PSEN1: variants seen among roughly 807,000 people sequenced by gnomAD.
The protein encoded by PSEN1 is presenilin 1.
Under a neutral mutation model 53.5 loss-of-function variants are expected in PSEN1, and 15 were observed. The ratio of observed to expected loss-of-function variants is 0.28; its 90% CI spans 0.19 to 0.43. PSEN1 has a LOEUF of 0.43. Ranked by LOEUF, PSEN1 falls within the 20% of genes least tolerant of loss-of-function variation. The probability of loss-of-function intolerance (pLI) is 1.00; values close to 1 mark genes in which losing one functional copy is unlikely to be tolerated. For missense variants in PSEN1, 387 were observed against 571.2 expected (o/e 0.68, Z 3.29); for synonymous variants, 208 against 209.8 (o/e 0.99, Z 0.08).
At chr14:73,162,255 G>T (rs1897569482) in intron 3 of PSEN1, among the ~76,000 whole-genome samples, 1 of 151,306 alleles carries the variant, frequency 6.6e-6, no homozygotes, top group South Asian at 2.1e-4. Context: ...AAGAGAAATA[G>T]ATATTAAATT....
At chr14:73,141,830 G>A (rs1173186391) in intron 1 of PSEN1, among the ~76,000 whole-genome samples, 2 of 151,914 alleles carry the variant, frequency 1.3e-5, no homozygotes, top group African/African-American at 2.4e-5. Flanking sequence ...CACTTTGGGA[G>A]GCAGAGGCTG....
intron 5 of PSEN1, among the ~76,000 whole-genome samples, chr14:73,174,419 A>G (rs1897986021): frequency 6.6e-6 from 1 of 152,166 alleles, no homozygotes; most frequent in Non-Finnish European, 1.5e-5. Context: ...TTTTTAGTAG[A>G]GACAGGGTTT....
rs560337173 is a variant in PSEN1 at position 73,151,677 on chromosome 14, G to A, written c.87+3571G>A. 1.7e-4 allele frequency among the ~76,000 whole-genome samples: 25 copies of A among 151,468 alleles called. 2 individuals are homozygous for A. In the South Asian group the frequency reaches 5.0e-3, roughly 30 times the overall value. On this transcript the variant is annotated intron_variant, in intron 3 of 11. Coordinates refer to ENST00000324501, the MANE Select transcript of PSEN1 (RefSeq NM_000021.4). ...GACCAGGGTGGTCTCAAGTGATCCT[G>A]CCACCTCAGCCTCCCAAGTAGCTGG... is the stretch of plus-strand genomic sequence containing the variant.
chr14:73,212,348 A>G (rs1019256965), intron 10 of PSEN1, among the ~76,000 whole-genome samples: 4 of 151,814 alleles, frequency 2.6e-5, no homozygotes, highest in Non-Finnish European at 5.9e-5. Flanking sequence ...TGACATCATG[A>G]TCTGCCTGCC....
At chr14:73,155,063 A>G (rs919356311) in intron 3 of PSEN1, among the ~76,000 whole-genome samples, 8 of 152,232 alleles carry the variant, frequency 5.3e-5, no homozygotes, top group African/African-American at 1.9e-4. Flanking sequence ...TCACTTCTGA[A>G]AGTTTATCCT....
At chr14:73,146,995 G>A (rs1254180944) in intron 1 of PSEN1, among the ~76,000 whole-genome samples, 5 of 151,870 alleles carry the variant, frequency 3.3e-5, no homozygotes, top group African/African-American at 4.8e-5. Context: ...ATAAGGCTGC[G>A]CCAAGATCAA....
chr14:73,137,817 C>G (rs1206400653), intron 1 of PSEN1, among the ~76,000 whole-genome samples: 1 of 152,184 alleles, frequency 6.6e-6, no homozygotes, highest in Non-Finnish European at 1.5e-5. Flanking sequence ...GGGGCGGTGG[C>G]TCACGCCTGT....
rs1210443879 is a variant in PSEN1, at chr14:73,222,692, GC to G, written c.*3405del. ...TATAATCTCTTGTTTTCTGGTATATGCCATCTTTCTTTAACTTCTCTAAAAT... is the reference window on the plus strand; with the variant it reads ...TATAATCTCTTGTTTTCTGGTATATGCATCTTTCTTTAACTTCTCTAAAAT... On this transcript the variant is annotated 3_prime_UTR_variant, in exon 12 of 12. Coordinates refer to ENST00000324501, the MANE Select transcript of PSEN1 (RefSeq NM_000021.4). The G allele has an allele frequency of 1.3e-5, 2 of 152,190 alleles. No individual in the cohort carries two copies. Among genetic ancestry groups the G allele is most frequent in the African/African-American group, 2.4e-5 (1 of 41,430 alleles). The allele number at this position is 152,190 out of a possible 1,614,324, so 9.4% of individuals were successfully genotyped here.
At chr14:73,148,663 T>C (rs1344240165) in intron 3 of PSEN1, among the ~76,000 whole-genome samples, 1 of 152,198 alleles carries the variant, frequency 6.6e-6, no homozygotes, top group Non-Finnish European at 1.5e-5. Flanking sequence ...CCAGGCACGG[T>C]GGCTCATGCC....
chr14:73,190,913 T>A (rs1383265756), intron 6 of PSEN1, among the ~76,000 whole-genome samples: 3 of 152,242 alleles, frequency 2.0e-5, no homozygotes, highest in Non-Finnish European at 4.4e-5. Context: ...AATATCTACA[T>A]CGTCCAGAAA....
At chr14:73,202,452 ATATATATATATTTTTTTTT>A (rs1566648349) in intron 8 of PSEN1, among the ~76,000 whole-genome samples, 2 of 16,240 alleles carry the variant, frequency 1.2e-4, no homozygotes, top group African/African-American at 7.1e-4. Flanking sequence ...ATATATATAT[ATATATATATATTTTTTTTT>A]TTTTTTTTTT....
At chr14:73,157,272 C>T (rs752589792) in intron 3 of PSEN1, among the ~76,000 whole-genome samples, 1 of 151,528 alleles carries the variant, frequency 6.6e-6, no homozygotes, top group African/African-American at 2.4e-5. Flanking sequence ...ATTACAGGCA[C>T]GCACCACCAC....
chr14:73,181,962 C>T (rs1163641004), intron 5 of PSEN1, among the ~76,000 whole-genome samples: 2 of 151,960 alleles, frequency 1.3e-5, no homozygotes, highest in African/African-American at 2.4e-5. Context: ...TTAGTAGAGA[C>T]GGGGTTTTGG....
intron 3 of PSEN1, among the ~76,000 whole-genome samples, chr14:73,152,440 GAAAA>G (rs560079238): frequency 1.9e-5 from 2 of 104,014 alleles, no homozygotes; most frequent in South Asian, 3.1e-4. Context: ...TTTCTACTAA[GAAAA>G]AAAAAAAAAA....
At chr14:73,138,746 G>A (rs1249984225) in intron 1 of PSEN1, among the ~76,000 whole-genome samples, 23 of 136,588 alleles carry the variant, frequency 1.7e-4, no homozygotes, top group South Asian at 9.7e-4. Context: ...GGATCATGAG[G>A]TCAGGAGATC....
Position 73,217,236 on chromosome 14 carries a change from A to G in PSEN1, c.1240A>G (p.Ile414Val), listed in dbSNP as rs777734426. ...CACAACCATAGCCTGTTTCGTAGCC[A>G]TATTAATTGTAAGTATACACTAATA... ...WNTTIACFVAILIGLCLTLLL... is the reference protein window; with the variant it reads ...WNTTIACFVAVLIGLCLTLLL... The change falls in exon 11 of 12, where the codon ATA becomes GTA. Residue 414 changes from isoleucine to valine, a missense_variant. Around this residue, in one of 4 missense-constraint regions of PSEN1, gnomAD observed 44 missense variants for 106.3 expected, o/e 0.41. Transcript: ENST00000324501. 1.9e-6 allele frequency: 3 copies of G among 1,614,140 alleles called. No individual in the cohort carries two copies. Among genetic ancestry groups the G allele is most frequent in the East Asian group, 2.2e-5 (1 of 44,878 alleles).
intron 8 of PSEN1, chr14:73,206,115 T>A: frequency 2.2e-6 from 1 of 451,718 alleles, no homozygotes; most frequent in South Asian, 2.3e-5. Context: ...ACAGTTTTCC[T>A]TCTGGTTCCT....
At chr14:73,215,365 C>G (rs1899870047) in intron 10 of PSEN1, among the ~76,000 whole-genome samples, 1 of 151,764 alleles carries the variant, frequency 6.6e-6, no homozygotes, top group African/African-American at 2.4e-5. Flanking sequence ...TGGTGGATCA[C>G]CTGAGGTTTG....
intron 10 of PSEN1, among the ~76,000 whole-genome samples, 170 bp from the exon 11 acceptor site, chr14:73,216,956 A>AT (rs1356310761): frequency 3.9e-5 from 6 of 152,296 alleles, no homozygotes; most frequent in African/African-American, 1.4e-4. Context: ...TGGAACTCCT[A>AT]TTGTAGAAAA....
Sources: gnomAD v4.1 joint callset for allele counts (sites outside exome capture counted in the v4.1 genomes callset) on GRCh38, gnomAD v4.1.1 for gene constraint, gnomAD v4.1.1 regional missense constraint, MANE v1.5 for transcripts, NCBI Gene and HGNC (gene_info 2026-07-23, HGNC 2026-07-21) for gene names.